The following NSG1 variants were observed in gnomAD, a reference collection of about 807,000 sequenced individuals.
NSG1 encodes neuronal vesicle trafficking-associated protein 1.
A neutral mutation model predicts 19.3 loss-of-function variants in NSG1; 9 were observed. The observed-to-expected ratio is 0.47, with a 90% CI of 0.28 to 0.81. The LOEUF is 0.81. Ranked by LOEUF, NSG1 falls within the 40% of genes least tolerant of loss-of-function variation. The pLI, the probability that NSG1 is intolerant of heterozygous loss-of-function variation, is 0.11. For synonymous variants in NSG1, 104 were observed against 107.0 expected (o/e 0.97, Z 0.17); for missense variants, 236 against 242.4 (o/e 0.97, Z 0.18).
At chr4:4,413,699 AG>A (rs1724355812) in intron 4 of NSG1, among the ~76,000 whole-genome samples, 2 of 151,712 alleles carry the variant, frequency 1.3e-5, no homozygotes, top group Admixed American at 1.3e-4. Flanking sequence ...CCTGAGTGCC[AG>A]GCACAGGCCC....
chr4:4,409,966 C>T (rs1724084066), intron 4 of NSG1, among the ~76,000 whole-genome samples: 1 of 152,246 alleles, frequency 6.6e-6, no homozygotes, highest in East Asian at 1.9e-4. Context: ...GTGGGCCCAG[C>T]CAGGGTCTGC....
At chr4:4,400,060 A>G (rs1474118331) in intron 3 of NSG1, among the ~76,000 whole-genome samples, 1 of 152,196 alleles carries the variant, frequency 6.6e-6, no homozygotes, top group Non-Finnish European at 1.5e-5. Flanking sequence ...GCCAAATCAC[A>G]TGAAGATTTT....
intron 3 of NSG1, among the ~76,000 whole-genome samples, chr4:4,408,333 G>C (rs1327916059): frequency 6.6e-6 from 1 of 152,174 alleles, no homozygotes; most frequent in Non-Finnish European, 1.5e-5. Flanking sequence ...CTCTGTGCAT[G>C]TTCATACGAT....
chr4:4,416,198 C>T, intron 4 of NSG1: 1 of 702,428 alleles, frequency 1.4e-6, no homozygotes, highest in Non-Finnish European at 2.6e-6. Flanking sequence ...CGCACGTGAA[C>T]TCAGCTGGTA....
intron 4 of NSG1, among the ~76,000 whole-genome samples, chr4:4,412,139 T>G (rs1724241763): frequency 6.6e-6 from 1 of 152,198 alleles, no homozygotes; most frequent in Non-Finnish European, 1.5e-5. Context: ...CCATGGCATG[T>G]GGTCCATCGT....
At chr4:4,413,036 C>T (rs1351358473) in intron 4 of NSG1, among the ~76,000 whole-genome samples, 3 of 151,990 alleles carry the variant, frequency 2.0e-5, no homozygotes, top group African/African-American at 7.3e-5. Flanking sequence ...TTCAGGCTCC[C>T]GACATTCAGC....
chr4:4,405,810 G>A (rs919182917), intron 3 of NSG1, among the ~76,000 whole-genome samples: 17 of 152,150 alleles, frequency 1.1e-4, no homozygotes, highest in African/African-American at 3.6e-4. Flanking sequence ...CTCGTTGCAC[G>A]GTTCGGCTGG....
intron 4 of NSG1, among the ~76,000 whole-genome samples, chr4:4,415,527 G>A (rs1724478111): frequency 6.6e-6 from 1 of 151,822 alleles, no homozygotes; most frequent in African/African-American, 2.4e-5. Flanking sequence ...TCTGCATTCT[G>A]CTTCCGTTGG....
Position 4,417,362 on chromosome 4 carries a change from C to G in NSG1, c.485C>G (p.Ser162Trp). 1.9e-6 allele frequency: 3 copies of G among 1,614,180 alleles called. No individual in the cohort carries two copies. Among genetic ancestry groups the G allele is most frequent in the Non-Finnish European group, 2.5e-6 (3 of 1,180,032 alleles). ...AAGCAGAGCATCACGCGCTCCGTAT[C>G]GCCCTGGATGTCAGTTCTGTCAGAA... ...LAKQSITRSVSPWMSVLSEEK... is the reference protein window; with the variant it reads ...LAKQSITRSVWPWMSVLSEEK... Residue 162 changes from serine to tryptophan, a missense_variant, in exon 5 of 5, where the codon TCG becomes TGG. Ser to Trp is a radical substitution (Grantham distance 177, BLOSUM62 -3). Transcript: ENST00000621129.
At chr4:4,407,176 G>C (rs1213041354) in intron 3 of NSG1, among the ~76,000 whole-genome samples, 1 of 152,162 alleles carries the variant, frequency 6.6e-6, no homozygotes, top group Non-Finnish European at 1.5e-5. Context: ...CCTTAGAGAG[G>C]GTGATGGCCC....
chr4:4,394,669 AT>A (rs755585475), intron 3 of NSG1, among the ~76,000 whole-genome samples: 44 of 152,228 alleles, frequency 2.9e-4, no homozygotes, highest in Non-Finnish European at 8.8e-5. Context: ...CAGCCGCTCT[AT>A]GCCAGCCATG....
chr4:4,412,114 A>T (rs1724238924), intron 4 of NSG1, among the ~76,000 whole-genome samples: 1 of 152,192 alleles, frequency 6.6e-6, no homozygotes, highest in Non-Finnish European at 1.5e-5. Flanking sequence ...GCTCCGTGAC[A>T]GTCTTATGGG....
At chr4:4,393,684 T>A (rs2108727489) in intron 3 of NSG1, among the ~76,000 whole-genome samples, 1 of 152,286 alleles carries the variant, frequency 6.6e-6, no homozygotes, top group African/African-American at 2.4e-5. Context: ...CCTGAAGGGG[T>A]GGCATCGGCC....
Position 4,387,192 on chromosome 4 carries a change from G to T in NSG1, c.-27+19G>T, listed in dbSNP as rs1325725345. The stretch of plus-strand genomic sequence containing the variant: ...GGCGTGGGTGAGTGCGGCCGGCCGC[G>T]CCTGGGCTTGCCGAGGCCAGACCTT... On this transcript the variant is annotated intron_variant, in intron 1 of 4. Coordinates refer to ENST00000621129, the MANE Select transcript of NSG1 (RefSeq NM_014392.5). 3 of 156,086 alleles carry T rather than the reference G, an allele frequency of 1.9e-5. No individual in the cohort carries two copies. Among genetic ancestry groups the T allele is most frequent in the Non-Finnish European group, 2.8e-5 (2 of 70,964 alleles). The allele number at this position is 156,086 out of a possible 1,614,324, so 9.7% of individuals were successfully genotyped here. A position where few individuals can be genotyped will look rare whatever the true frequency, so the allele number is the denominator to read the frequency against.
chr4:4,394,177 G>T lies in NSG1; in HGVS notation c.246+2586G>T, dbSNP rs547369835. 2.0e-5 allele frequency among the ~76,000 whole-genome samples: 3 copies of T among 152,354 alleles called. No individual in the cohort carries two copies. In the South Asian group the frequency reaches 6.2e-4, roughly 32 times the overall value. On this transcript the variant is annotated intron_variant, in intron 3 of 4. Coordinates refer to ENST00000621129, the MANE Select transcript of NSG1 (RefSeq NM_014392.5). ...CAGAGGTCCTTGGTTTCTTGGAGAA[G>T]TGGGTTTGTGTGGGAGCACTCACCC...
In NSG1 at chr4:4,417,472, A is replaced by G. The variant is rs1724641455; in HGVS notation, c.*37A>G. ...AGTTCCTTACAATGTGTCACTTGCA[A>G]ATAACAAAGGGACTTTGAGGGACAT... is the stretch of plus-strand genomic sequence containing the variant. On this transcript the variant is annotated 3_prime_UTR_variant, in exon 5 of 5. Transcript: ENST00000621129. 1.9e-6 allele frequency: 3 copies of G among 1,573,676 alleles called. No individual in the cohort carries two copies. In the East Asian group the frequency reaches 6.7e-5, roughly 35 times the overall value.
intron 4 of NSG1, among the ~76,000 whole-genome samples, chr4:4,413,963 C>G (rs1724369766): frequency 6.6e-6 from 1 of 152,058 alleles, no homozygotes; most frequent in Non-Finnish European, 1.5e-5. Context: ...GGAGAGGGAG[C>G]ACGGGCAGGC....
At chr4:4,399,783 C>T (rs996452498) in intron 3 of NSG1, among the ~76,000 whole-genome samples, 6 of 152,214 alleles carry the variant, frequency 3.9e-5, no homozygotes, top group Non-Finnish European at 7.3e-5. Context: ...TGGGATGAAA[C>T]TAGATCATCA....
intron 3 of NSG1, 95 bp downstream of exon 3, chr4:4,391,686 C>T (rs575466569): frequency 4.6e-5 from 35 of 754,062 alleles, no homozygotes; most frequent in African/African-American, 4.0e-4. Flanking sequence ...CAGGGTTTGA[C>T]GCCGTTTGTC....
Sources: gnomAD v4.1 joint callset for allele counts (sites outside exome capture counted in the v4.1 genomes callset) on GRCh38, gnomAD v4.1.1 for gene constraint, MANE v1.5 for transcripts, NCBI Gene and HGNC (gene_info 2026-07-23, HGNC 2026-07-21) for gene names.